The following CHIC1 variants were observed in gnomAD, a reference collection of about 807,000 sequenced individuals.
CHIC1 encodes the protein cysteine rich hydrophobic domain 1, also known as cysteine-rich hydrophobic domain-containing protein 1.
CHIC1 carries 7 observed loss-of-function variants against 18.5 expected under a neutral mutation model. The ratio of observed to expected loss-of-function variants is 0.38; its 90% CI spans 0.22 to 0.71. CHIC1 has a LOEUF of 0.71. Ranked by LOEUF, CHIC1 falls within the 30% of genes least tolerant of loss-of-function variation. The pLI is 0.49. For missense variants in CHIC1, 159 were observed against 176.9 expected (o/e 0.90, Z 0.57); for synonymous variants, 77 against 73.5 (o/e 1.05, Z -0.25).
Position 73,584,564 on chromosome X carries a change from A to G in CHIC1, c.499A>G (p.Asn167Asp), listed in dbSNP as rs372460137. The part of the protein sequence containing the change: ...GCSLWPVICL[N>D]KRTRRSIQKL... ...CAGCCTATGGCCTGTTATTTGTCTC[A>G]ACAAAAGAGTGAGTAACTGTTTTAT... The change falls in exon 3 of 6, where the codon AAC becomes GAC. Residue 167 changes from asparagine (N) to aspartate (D), a missense_variant. Asn to Asp is a conservative substitution (Grantham distance 23, BLOSUM62 1). Coordinates refer to ENST00000373502, the MANE Select transcript of CHIC1 (RefSeq NM_001039840.4). The G allele has an allele frequency of 7.9e-6, 9 of 1,146,091 alleles. No individual in the cohort carries two copies. Among genetic ancestry groups the G allele is most frequent in the Non-Finnish European group, 1.0e-5 (9 of 859,104 alleles). 94.5% of individuals were successfully genotyped at this position (1,146,091 alleles called of 1,213,427 possible). A position where few individuals can be genotyped will look rare whatever the true frequency, so the allele number is the denominator to read the frequency against.
intron 1 of CHIC1, among the ~76,000 whole-genome samples, chrX:73,565,968 T>G (rs1415548652): frequency 9.0e-6 from 1 of 110,843 alleles, no homozygotes; most frequent in Non-Finnish European, 1.9e-5. Context: ...CTCAGTATAT[T>G]TTAAGCTCAA....
At chrX:73,652,802 A>T (rs966118978) in intron 3 of CHIC1, among the ~76,000 whole-genome samples, 1 of 112,248 alleles carries the variant, frequency 8.9e-6, no homozygotes, top group Non-Finnish European at 1.9e-5. Context: ...TAGTTCAACC[A>T]TTGTGGAAGA....
At chrX:73,575,809 G>A (rs922448704) in intron 1 of CHIC1, among the ~76,000 whole-genome samples, 1 of 109,549 alleles carries the variant, frequency 9.1e-6, no homozygotes, top group Non-Finnish European at 1.9e-5. Context: ...GCTATTCTTT[G>A]TTCCATAATA....
chrX:73,592,777 G>A (rs1248564928), intron 3 of CHIC1, among the ~76,000 whole-genome samples: 2 of 110,594 alleles, frequency 1.8e-5, no homozygotes, highest in Non-Finnish European at 3.8e-5. Context: ...AGTATGATTG[G>A]TATTAGCTCT....
chrX:73,602,344 C>T (rs1315272108), intron 3 of CHIC1, among the ~76,000 whole-genome samples: 1 of 108,732 alleles, frequency 9.2e-6, no homozygotes, highest in Non-Finnish European at 1.9e-5. Context: ...TCATATCCTT[C>T]ACCCACTTTT....
chrX:73,618,914 C>T lies in CHIC1; in HGVS notation c.507+34342C>T, dbSNP rs139433612. On this transcript the variant is annotated intron_variant, in intron 3 of 5. Transcript: ENST00000373502. ...TTCCTCTGGCAGCCCTCCTTAAGGA[C>T]CTCTGCAAGACAAAGTCAGAAATGG... is the stretch of plus-strand genomic sequence containing the variant. Among the ~76,000 whole-genome samples, 1,047 of 112,367 alleles carry T rather than the reference C, an allele frequency of 9.3e-3. 6 individuals are homozygous for T. Among genetic ancestry groups the T allele is most frequent in the African/African-American group, 0.033 (1,017 of 30,924 alleles).
intron 1 of CHIC1, among the ~76,000 whole-genome samples, chrX:73,576,156 T>C (rs985339205): frequency 9.1e-6 from 1 of 109,606 alleles, no homozygotes; most frequent in Non-Finnish European, 1.9e-5. Flanking sequence ...TCTAGAATAC[T>C]TCTAAAAGGG....
At chrX:73,586,066 A>C (rs2057551674) in intron 3 of CHIC1, among the ~76,000 whole-genome samples, 1 of 111,490 alleles carries the variant, frequency 9.0e-6, no homozygotes, top group South Asian at 3.7e-4. Context: ...TAAACATTTT[A>C]ATCAGTTTGC....
At chrX:73,671,023 A>C (rs774459481) in intron 3 of CHIC1, among the ~76,000 whole-genome samples, 4 of 111,970 alleles carry the variant, frequency 3.6e-5, no homozygotes, top group Non-Finnish European at 7.5e-5. Context: ...TATTAGGTCT[A>C]TTTGGTCTAT....
chrX:73,684,180 C>T lies in CHIC1; in HGVS notation c.*3175C>T, dbSNP rs776892169. 1.4e-4 allele frequency: 15 copies of T among 110,397 alleles called. No homozygotes were observed. In the East Asian group the frequency reaches 3.1e-3, roughly 23 times the overall value. The allele number at this position is 110,397 out of a possible 1,213,427, so 9.1% of individuals were successfully genotyped here. ...TATTAGTGACAAAATATTACAGAACCGGACTATCAGTCACTTAAAAAAACA... is the reference window on the plus strand; with the variant it reads ...TATTAGTGACAAAATATTACAGAACTGGACTATCAGTCACTTAAAAAAACA... On this transcript the variant is annotated 3_prime_UTR_variant, in exon 6 of 6. Transcript: ENST00000373502.
chrX:73,640,807 G>GT (rs2057852132), intron 3 of CHIC1, among the ~76,000 whole-genome samples: 1 of 111,295 alleles, frequency 9.0e-6, no homozygotes, highest in African/African-American at 3.3e-5. Flanking sequence ...TCCTGGATTT[G>GT]TTGATCTTTT....
Sources: allele counts gnomAD v4.1 joint callset (sites outside exome capture counted in the v4.1 genomes callset), GRCh38; gene constraint gnomAD v4.1.1; transcripts MANE v1.5; gene names NCBI Gene and HGNC (gene_info 2026-07-23, HGNC 2026-07-21).